Variants in OPCML observed in about 807,000 individuals in gnomAD.
OPCML encodes opioid-binding protein/cell adhesion molecule.
Under a neutral mutation model 37.8 loss-of-function variants are expected in OPCML, and 13 were observed. That is an observed-to-expected ratio of 0.34 (90% CI 0.22 to 0.55). OPCML has a LOEUF of 0.55. Ranked by LOEUF, OPCML falls within the 20% of genes least tolerant of loss-of-function variation. The pLI is 0.91. For missense variants in OPCML, 341 were observed against 435.6 expected, an observed-to-expected ratio of 0.78 and a Z score of 1.93; for synonymous variants, 176 against 168.8, an observed-to-expected ratio of 1.04 and a Z score of -0.33.
chr11:133,388,695 G>A (rs1167695333), intron 1 of OPCML, among the ~76,000 whole-genome samples: 2 of 152,170 alleles, frequency 1.3e-5, no homozygotes, highest in African/African-American at 4.8e-5. Flanking sequence ...TCATTTCAGT[G>A]AATTCCATTG....
chr11:133,030,188 A>G (rs557640017), intron 1 of OPCML, among the ~76,000 whole-genome samples: 5 of 152,308 alleles, frequency 3.3e-5, no homozygotes, highest in Admixed American at 1.3e-4. Context: ...CTGCAAAACC[A>G]AGTCTCCTAA....
At chr11:133,379,258 T>C (rs971510288) in intron 1 of OPCML, among the ~76,000 whole-genome samples, 3 of 152,226 alleles carry the variant, frequency 2.0e-5, no homozygotes. Context: ...TTCTAAAATG[T>C]CCTCACTTCT....
In OPCML at chr11:133,174,808, C is replaced by T. The variant is rs192738733; in HGVS notation, c.62-231798G>A. Among the ~76,000 whole-genome samples, 7 of 152,234 alleles carry T rather than the reference C, an allele frequency of 4.6e-5. No individual in the cohort carries two copies. In the East Asian group the frequency reaches 7.7e-4, roughly 17 times the overall value. Reference sequence around the variant, plus strand: ...ATTCATTTATGATGAGTGTATACTTCGTGTGCACTAGAAAAAGAGTACTTT... The same window carrying T: ...ATTCATTTATGATGAGTGTATACTTTGTGTGCACTAGAAAAAGAGTACTTT... On this transcript the variant is annotated intron_variant, in intron 1 of 7. Transcript: ENST00000524381. This position sits in a 1 kb window ranked among gnomAD's most constrained non-coding sequence, Gnocchi z 4.6.
chr11:133,401,196 G>A (rs1945398530), intron 1 of OPCML, among the ~76,000 whole-genome samples: 1 of 152,104 alleles, frequency 6.6e-6, no homozygotes, highest in Non-Finnish European at 1.5e-5. Context: ...CGTAGTGTGA[G>A]AGTAAAATGA....
chr11:132,664,575 C>T (rs1471364876), intron 2 of OPCML, among the ~76,000 whole-genome samples: 1 of 152,148 alleles, frequency 6.6e-6, no homozygotes, highest in African/African-American at 2.4e-5. Flanking sequence ...GGAGGAAGAC[C>T]TTGCTTTAAT....
At chr11:132,470,953 G>A (rs923568235) in intron 4 of OPCML, among the ~76,000 whole-genome samples, 16 of 152,080 alleles carry the variant, frequency 1.1e-4, no homozygotes, top group African/African-American at 2.9e-4. Flanking sequence ...TAGGAATTAA[G>A]AAGAAAAAGG....
chr11:133,055,588 G>T (rs1948220189), intron 1 of OPCML, among the ~76,000 whole-genome samples: 1 of 150,340 alleles, frequency 6.7e-6, no homozygotes, highest in Non-Finnish European at 1.5e-5. Context: ...CTCCATGAGG[G>T]AGCCGCCTCT....
chr11:132,948,582 A>G (rs955701409), intron 1 of OPCML, among the ~76,000 whole-genome samples: 4 of 152,206 alleles, frequency 2.6e-5, no homozygotes, highest in African/African-American at 9.7e-5. Flanking sequence ...CAAGTTTTTT[A>G]TCATCTCTAG....
chr11:133,419,046 C>G (rs1353247075), intron 1 of OPCML, among the ~76,000 whole-genome samples: 4 of 152,210 alleles, frequency 2.6e-5, no homozygotes, highest in Admixed American at 2.6e-4. Flanking sequence ...CCCTAGCCCC[C>G]TGCCCACCAA....
chr11:133,270,084 T>G (rs1941782159), intron 1 of OPCML, among the ~76,000 whole-genome samples: 1 of 152,178 alleles, frequency 6.6e-6, no homozygotes, highest in Non-Finnish European at 1.5e-5. Context: ...CATGTGGAGG[T>G]GCTAAGAATG....
At chr11:133,346,306 T>C (rs567976008) in intron 1 of OPCML, among the ~76,000 whole-genome samples, 1 of 152,292 alleles carries the variant, frequency 6.6e-6, no homozygotes, top group East Asian at 1.9e-4. Flanking sequence ...GCAGCATCCC[T>C]GAATGCCAAG....
At chr11:133,195,452 C>A (rs1938500831) in intron 1 of OPCML, among the ~76,000 whole-genome samples, 1 of 152,198 alleles carries the variant, frequency 6.6e-6, no homozygotes. Flanking sequence ...GAACCTCATT[C>A]TGACTTTGAA....
intron 2 of OPCML, among the ~76,000 whole-genome samples, chr11:132,740,564 A>C (rs753690539): frequency 7.9e-5 from 12 of 152,112 alleles, no homozygotes; most frequent in Non-Finnish European, 1.8e-4. Context: ...CTCTCAGTAT[A>C]ATTTATTATA....
At chr11:132,919,344 A>C (rs557125350) in intron 2 of OPCML, among the ~76,000 whole-genome samples, 1 of 152,178 alleles carries the variant, frequency 6.6e-6, no homozygotes, top group Non-Finnish European at 1.5e-5. Flanking sequence ...ACATGTGCAG[A>C]CATCCACCCA....
At chr11:132,603,119 G>C (rs1288909609) in intron 3 of OPCML, among the ~76,000 whole-genome samples, 1 of 152,140 alleles carries the variant, frequency 6.6e-6, no homozygotes, top group Non-Finnish European at 1.5e-5. Flanking sequence ...GGGTGCCTGA[G>C]AAATGTTGGT....
chr11:132,931,344 C>T (rs1605328), intron 2 of OPCML, among the ~76,000 whole-genome samples: 86,009 of 151,886 alleles, frequency 0.57, 26,045 homozygotes, highest in African/African-American at 0.77. Context: ...ACGTTAAAGC[C>T]TTCTTCATCA....
At chr11:132,627,743 TAGTAAG>T (rs1565724537) in intron 3 of OPCML, among the ~76,000 whole-genome samples, 1 of 152,184 alleles carries the variant, frequency 6.6e-6, no homozygotes, top group East Asian at 1.9e-4. Flanking sequence ...ACTAGCCTAG[TAGTAAG>T]TGAAAATAAC....
intron 3 of OPCML, among the ~76,000 whole-genome samples, chr11:132,567,380 A>G (rs2096426131): frequency 6.6e-6 from 1 of 152,220 alleles, no homozygotes. Flanking sequence ...GATAAAAGTC[A>G]TATTGAATAA....
chr11:132,565,667 T>C (rs766452899), intron 3 of OPCML, among the ~76,000 whole-genome samples: 12 of 152,218 alleles, frequency 7.9e-5, no homozygotes, highest in Non-Finnish European at 1.6e-4. Context: ...TCTATAGATA[T>C]ATAGAAAACC....
Sources: gnomAD v4.1 joint callset for allele counts (sites outside exome capture counted in the v4.1 genomes callset) on GRCh38, gnomAD v4.1.1 for gene constraint, Gnocchi (gnomAD v3.1) non-coding constraint, MANE v1.5 for transcripts, NCBI Gene and HGNC (gene_info 2026-07-23, HGNC 2026-07-21) for gene names.